ARHGAP26: variants seen among roughly 807,000 people sequenced by gnomAD.
ARHGAP26 encodes rho GTPase-activating protein 26.
A neutral mutation model predicts 104.8 loss-of-function variants in ARHGAP26; 38 were observed. The ratio of observed to expected loss-of-function variants is 0.36; its 90% CI spans 0.28 to 0.48. The LOEUF (loss-of-function observed/expected upper bound fraction) is 0.48. ARHGAP26 is among the 20% of genes least tolerant of loss of function. The probability of loss-of-function intolerance (pLI) is 0.99; values close to 1 mark genes in which losing one functional copy is unlikely to be tolerated. For missense variants in ARHGAP26, 704 were observed against 947.9 expected (o/e 0.74, Z 3.38); for synonymous variants, 341 against 340.0 (o/e 1.00, Z -0.03).
At chr5:142,858,324 T>C (rs536238189) in intron 1 of ARHGAP26, among the ~76,000 whole-genome samples, 1 of 152,296 alleles carries the variant, frequency 6.6e-6, no homozygotes, top group African/African-American at 2.4e-5. Context: ...TAAAATAATA[T>C]CAGTGGTACC....
At chr5:143,026,663 T>TG (rs1380946261) in intron 12 of ARHGAP26, among the ~76,000 whole-genome samples, 1 of 152,012 alleles carries the variant, frequency 6.6e-6, no homozygotes, top group Non-Finnish European at 1.5e-5. Flanking sequence ...CTAGACCATG[T>TG]GGGGCCAGGA....
intron 17 of ARHGAP26, among the ~76,000 whole-genome samples, chr5:143,084,155 T>A (rs1790213723): frequency 6.6e-6 from 1 of 152,224 alleles, no homozygotes; most frequent in Non-Finnish European, 1.5e-5. Context: ...GACCCGACTG[T>A]AGGGGACAGA....
intron 12 of ARHGAP26, 73 bp from the exon 13 acceptor site, chr5:143,037,123 G>C: frequency 8.3e-7 from 1 of 1,208,874 alleles, no homozygotes; most frequent in Non-Finnish European, 1.2e-6. Flanking sequence ...GATTCATCCT[G>C]GTTTGGTTAA....
chr5:143,059,908 T>C (rs887848383), intron 17 of ARHGAP26, among the ~76,000 whole-genome samples: 5 of 152,170 alleles, frequency 3.3e-5, no homozygotes, highest in African/African-American at 1.2e-4. Context: ...TGTTCTTGTC[T>C]CTCGAGCCTC....
At chr5:143,026,264 G>A (rs1402876588) in intron 12 of ARHGAP26, among the ~76,000 whole-genome samples, 1 of 152,114 alleles carries the variant, frequency 6.6e-6, no homozygotes, top group Non-Finnish European at 1.5e-5. Context: ...TCATGAACAG[G>A]GCAGATTGTC....
chr5:142,850,204 T>TCCTG (rs1171005035), intron 1 of ARHGAP26, among the ~76,000 whole-genome samples: 2 of 152,194 alleles, frequency 1.3e-5, no homozygotes, highest in Non-Finnish European at 2.9e-5. Flanking sequence ...CAGCCCAGTG[T>TCCTG]CCTGCCTCTG....
intron 21 of ARHGAP26, among the ~76,000 whole-genome samples, chr5:143,211,373 C>T (rs1483442286): frequency 6.6e-6 from 1 of 152,036 alleles, no homozygotes; most frequent in African/African-American, 2.4e-5. Flanking sequence ...ATCTGGCAAC[C>T]CTACCCATTC....
At chr5:143,196,722 A>G (rs1001831774) in intron 20 of ARHGAP26, among the ~76,000 whole-genome samples, 1 of 152,232 alleles carries the variant, frequency 6.6e-6, no homozygotes, top group Non-Finnish European at 1.5e-5. Flanking sequence ...GAGCATGAAA[A>G]TGTGGTACTA....
intron 20 of ARHGAP26, among the ~76,000 whole-genome samples, chr5:143,178,676 C>T (rs1803859890): frequency 6.6e-6 from 1 of 152,176 alleles, no homozygotes; most frequent in Non-Finnish European, 1.5e-5. Flanking sequence ...TCCCTTGGTG[C>T]CAGACACTGA....
intron 1 of ARHGAP26, among the ~76,000 whole-genome samples, chr5:142,858,990 G>C (rs1480813863): frequency 6.6e-6 from 1 of 152,232 alleles, no homozygotes; most frequent in Non-Finnish European, 1.5e-5. Context: ...AAGTTGGCCA[G>C]TGGGGCTGGG....
chr5:143,063,020 A>T (rs563004296), intron 17 of ARHGAP26, among the ~76,000 whole-genome samples: 3 of 152,188 alleles, frequency 2.0e-5, no homozygotes, highest in Non-Finnish European at 4.4e-5. Context: ...TCCCTCAGCC[A>T]TACACCCTGG....
At chr5:142,895,951 A>C (rs893857981) in intron 6 of ARHGAP26, among the ~76,000 whole-genome samples, 1 of 152,222 alleles carries the variant, frequency 6.6e-6, no homozygotes, top group Non-Finnish European at 1.5e-5. Flanking sequence ...TAAAGTCGTC[A>C]ATTACTTCAG....
chr5:142,952,953 C>A (rs142467613), intron 11 of ARHGAP26, among the ~76,000 whole-genome samples: 163 of 152,270 alleles, frequency 1.1e-3, no homozygotes, highest in African/African-American at 3.6e-3. Flanking sequence ...TTGTGATCCT[C>A]CCACCTTGGC....
chr5:142,774,236 CAAATT>C (rs1755827494), intron 1 of ARHGAP26, among the ~76,000 whole-genome samples: 1 of 152,114 alleles, frequency 6.6e-6, no homozygotes, highest in Non-Finnish European at 1.5e-5. Flanking sequence ...TAAATGACAG[CAAATT>C]AAATTCAAAC....
chr5:142,914,952 C>A (rs1364422396), intron 10 of ARHGAP26, among the ~76,000 whole-genome samples: 2 of 152,156 alleles, frequency 1.3e-5, no homozygotes, highest in East Asian at 3.8e-4. Flanking sequence ...TAGAGATAAC[C>A]GTCTGCTGCA....
At chr5:142,984,043 A>C (rs1774327553) in intron 11 of ARHGAP26, among the ~76,000 whole-genome samples, 1 of 152,208 alleles carries the variant, frequency 6.6e-6, no homozygotes, top group East Asian at 1.9e-4. Context: ...TTAAAGACCC[A>C]GCTTCATTGT....
intron 11 of ARHGAP26, among the ~76,000 whole-genome samples, chr5:142,984,103 T>G (rs1423408804): frequency 6.6e-6 from 1 of 152,202 alleles, no homozygotes; most frequent in Non-Finnish European, 1.5e-5. Flanking sequence ...GATGTAGGCT[T>G]TTGTCTTCCT....
intron 1 of ARHGAP26, among the ~76,000 whole-genome samples, chr5:142,851,789 C>T (rs191822083): frequency 2.0e-5 from 3 of 152,344 alleles, no homozygotes; most frequent in Admixed American, 1.3e-4. Context: ...GCACCTGGTG[C>T]TCTTTCGGCA....
chr5:142,917,091 G>A (rs1762582602), intron 10 of ARHGAP26, among the ~76,000 whole-genome samples: 1 of 150,370 alleles, frequency 6.7e-6, no homozygotes, highest in South Asian at 2.1e-4. Context: ...CCAGGCCGGA[G>A]TGCAGTGGCA....
Sources: allele counts gnomAD v4.1 joint callset (sites outside exome capture counted in the v4.1 genomes callset), GRCh38; gene constraint gnomAD v4.1.1; transcripts MANE v1.5; gene names NCBI Gene and HGNC (gene_info 2026-07-23, HGNC 2026-07-21).